The following ZC3H4 variants were observed in gnomAD, a reference collection of about 807,000 sequenced individuals.
ZC3H4 encodes zinc finger CCCH-type containing 4.
ZC3H4 carries 13 observed loss-of-function variants against 108.3 expected under a neutral mutation model. The observed-to-expected ratio is 0.12, with a 90% CI of 0.08 to 0.19. The LOEUF (loss-of-function observed/expected upper bound fraction) is 0.19. Ranked by LOEUF, ZC3H4 falls within the 10% of genes least tolerant of loss-of-function variation. The pLI is 1.00. For synonymous variants in ZC3H4, 917 were observed against 749.6 expected, an observed-to-expected ratio of 1.22 and a Z score of -3.65; for missense variants, 1,734 against 1,838.8, an observed-to-expected ratio of 0.94 and a Z score of 1.04.
intron 10 of ZC3H4, 46 bp downstream of exon 10, chr19:47,082,135 GAGA>G: frequency 6.8e-7 from 1 of 1,462,212 alleles, no homozygotes; most frequent in South Asian, 1.1e-5. Context: ...TCAAGGAGCA[GAGA>G]AGTTCTGCGC....
At chr19:47,073,851 C>T (rs1473900502) in intron 11 of ZC3H4, among the ~76,000 whole-genome samples, 1 of 152,260 alleles carries the variant, frequency 6.6e-6, no homozygotes, top group Non-Finnish European at 1.5e-5. Context: ...CTATCTACAA[C>T]ACTGCTACAT....
At position 47,066,923 on chromosome 19, in the gene ZC3H4, T is replaced by G. The variant is rs747020776; in HGVS notation, c.3345A>C (p.Pro1115=). 7 of 1,595,604 alleles carry G rather than the reference T, an allele frequency of 4.4e-6. No homozygotes were observed. Among genetic ancestry groups the G allele is most frequent in the Middle Eastern group, 1.7e-4 (1 of 6,042 alleles). The part of the protein sequence containing the change: ...PTASPSGDAS[P]PATAPYDPRV... ...GGGGGTCGTAGGGAGCGGTGGCTGGTGGGGAGGCATCCCCACTCGGGCTGG... is the reference window on the plus strand; with the variant it reads ...GGGGGTCGTAGGGAGCGGTGGCTGGGGGGGAGGCATCCCCACTCGGGCTGG... Residue 1115 remains proline, a synonymous_variant, in exon 15 of 15, where the codon CCA becomes CCC. Transcript: ENST00000253048.
In ZC3H4 at chr19:47,067,087, C is replaced by T. The variant is rs762690153; in HGVS notation, c.3181G>A (p.Ala1061Thr). Residue 1061 changes from alanine to threonine, a missense_variant, in exon 15 of 15, where the codon GCC becomes ACC. Coordinates refer to ENST00000253048, the MANE Select transcript of ZC3H4 (RefSeq NM_015168.2). This position sits in a 1 kb window ranked among gnomAD's most constrained non-coding sequence, Gnocchi z 6.4. Reference protein sequence around the residue: ...KTVNATGSSAAPGSSDKPSDP... With the variant: ...KTVNATGSSATPGSSDKPSDP... ...CTGGGTTTGTCGCTGGAACCGGGGGCGGCCGAGGAGCCGGTGGCATTGACT... is the reference window on the plus strand; with the variant it reads ...CTGGGTTTGTCGCTGGAACCGGGGGTGGCCGAGGAGCCGGTGGCATTGACT... 62 of 1,609,144 alleles carry T rather than the reference C, an allele frequency of 3.9e-5. No homozygotes were observed. The highest frequency in any genetic ancestry group is 2.0e-4 in the Admixed American group (12 of 59,310).
At position 47,105,318 on chromosome 19, in the gene ZC3H4, T is replaced by C. The variant is rs190009858; in HGVS notation, c.161+7106A>G. Among the ~76,000 whole-genome samples, 31 of 152,284 alleles carry C rather than the reference T, an allele frequency of 2.0e-4. No homozygotes were observed. In the East Asian group the frequency reaches 5.4e-3, roughly 27 times the overall value. On this transcript the variant is annotated intron_variant, in intron 2 of 14. Transcript: ENST00000253048. ...CTGTGTGCCAATAAACTTTACCTAC[T>C]GGCCAGGCGCGGTGGCTCATACCTG...
At position 47,066,567 on chromosome 19, in the gene ZC3H4, G is replaced by A. The variant is rs758599668; in HGVS notation, c.3701C>T (p.Ala1234Val). ...TGGGGCACCCTCGGGGGGTGGGGTG[G>A]CGGTGGTGGCAGCGGGGGCTGCAGC... Reference protein sequence around the residue: ...KAAAAPAATTATPPPEGAPPQ... With the variant: ...KAAAAPAATTVTPPPEGAPPQ... Residue 1234 changes from alanine (A) to valine (V), a missense_variant, in exon 15 of 15, where the codon GCC becomes GTC. By Grantham distance (64) the Ala-to-Val change is moderately conservative (BLOSUM62 0). Around this residue, in one of 9 missense-constraint regions of ZC3H4, gnomAD observed 518 missense variants for 499.6 expected, o/e 1.04. Transcript: ENST00000253048. 28 of 1,582,128 alleles carry A rather than the reference G, an allele frequency of 1.8e-5. No homozygotes were observed. Among genetic ancestry groups the A allele is most frequent in the South Asian group, 7.0e-5 (6 of 85,730 alleles).
chr19:47,073,132 G>T (rs2122735826), intron 11 of ZC3H4, among the ~76,000 whole-genome samples: 1 of 152,036 alleles, frequency 6.6e-6, no homozygotes, highest in South Asian at 2.1e-4. Context: ...AATTAGCCAG[G>T]CATGGTAGTG....
chr19:47,110,002 A>G (rs1202798228), intron 2 of ZC3H4, among the ~76,000 whole-genome samples: 4 of 152,136 alleles, frequency 2.6e-5, no homozygotes. Flanking sequence ...CTGGGCGTGT[A>G]ACACGTTTGC....
intron 14 of ZC3H4, 148 bp from the exon 15 acceptor site, chr19:47,068,017 T>C (rs2057250553): frequency 2.5e-6 from 2 of 799,326 alleles, no homozygotes; most frequent in African/African-American, 1.7e-5. Flanking sequence ...CTCCCCACAG[T>C]GGGCGGCTGA....
At chr19:47,069,014 C>A in intron 14 of ZC3H4, 78 bp downstream of exon 14, 1 of 1,588,500 alleles carries the variant, frequency 6.3e-7, no homozygotes, top group Non-Finnish European at 8.5e-7. Flanking sequence ...GGAAACCCAA[C>A]CTGGAACACC....
chr19:47,109,336 T>G (rs1465447720), intron 2 of ZC3H4, among the ~76,000 whole-genome samples: 1 of 152,252 alleles, frequency 6.6e-6, no homozygotes, highest in Non-Finnish European at 1.5e-5. Flanking sequence ...TCAAATTCAC[T>G]GAACATTGCT....
intron 4 of ZC3H4, among the ~76,000 whole-genome samples, chr19:47,090,572 A>G (rs1316489447): frequency 6.6e-6 from 1 of 152,172 alleles, no homozygotes; most frequent in Non-Finnish European, 1.5e-5. Context: ...AATTCAATAA[A>G]TGGCCTGCTT....
intron 2 of ZC3H4, among the ~76,000 whole-genome samples, chr19:47,106,941 G>A (rs2057975369): frequency 6.6e-6 from 1 of 152,180 alleles, no homozygotes. Context: ...AAACTGACTA[G>A]TTTGCAGTGG....
chr19:47,088,684 T>TC (rs1350249487), intron 5 of ZC3H4, among the ~76,000 whole-genome samples: 35 of 151,992 alleles, frequency 2.3e-4, no homozygotes, highest in African/African-American at 8.2e-4. Context: ...AGTGATGGGA[T>TC]CTCGCTGTGT....
At position 47,066,768 on chromosome 19, in the gene ZC3H4, G is replaced by T; in HGVS notation, c.3500C>A (p.Thr1167Lys). Residue 1167 changes from threonine to lysine, a missense_variant, in exon 15 of 15, where the codon ACG (threonine) becomes AAG (lysine). Physicochemically the swap from Thr to Lys is moderately conservative, Grantham distance 78 (BLOSUM62 -1). Coordinates refer to ENST00000253048, the MANE Select transcript of ZC3H4 (RefSeq NM_015168.2). ...GGKATEPAAD[T>K]GAQPKGAEGN... ...CTCAGCACCCTTGGGCTGGGCACCC[G>T]TGTCAGCAGCCGGCTCTGTGGCTTT... The T allele has an allele frequency of 6.2e-7, 1 of 1,602,948 alleles. No homozygotes were observed. The highest frequency in any genetic ancestry group is 8.5e-7 in the Non-Finnish European group (1 of 1,178,178).
In ZC3H4 at chr19:47,067,393, A is replaced by G; in HGVS notation, c.2875T>C (p.Phe959Leu). Residue 959 changes from phenylalanine (F) to leucine (L), a missense_variant, in exon 15 of 15, where the codon TTC becomes CTC. Phe to Leu is a conservative substitution (Grantham distance 22, BLOSUM62 0). This residue lies in a region of ZC3H4 where 4 missense variants were observed against 18.2 expected (regional missense o/e 0.22). Transcript: ENST00000253048. The surrounding 1 kb of genome is among the most constrained non-coding windows in gnomAD (Gnocchi z 6.4). ...LRDPRSQLQQ[F>L]SHIKKDVTLS... The stretch of plus-strand genomic sequence containing the variant: ...GTCACGTCCTTCTTGATGTGGCTGA[A>G]CTGCTGCAGCTGTGACCGTGGGTCC... 6.2e-7 allele frequency: 1 copy of G among 1,609,400 alleles called. No individual in the cohort carries two copies. The highest frequency in any genetic ancestry group is 8.5e-7 in the Non-Finnish European group (1 of 1,177,378).
intron 2 of ZC3H4, among the ~76,000 whole-genome samples, chr19:47,101,730 G>T (rs963265242): frequency 6.6e-6 from 1 of 152,010 alleles, no homozygotes; most frequent in African/African-American, 2.4e-5. Flanking sequence ...AATTAGCTGG[G>T]CGTGGTGGCG....
chr19:47,112,335 G>C (rs1201567460), intron 2 of ZC3H4, 89 bp downstream of exon 2: 1 of 1,178,334 alleles, frequency 8.5e-7, no homozygotes, highest in Non-Finnish European at 1.1e-6. Context: ...CCTCCTCCGC[G>C]GCCCGGCCCA....
chr19:47,070,259 G>C (rs1432853544), intron 13 of ZC3H4, among the ~76,000 whole-genome samples: 1 of 152,182 alleles, frequency 6.6e-6, no homozygotes, highest in Admixed American at 6.5e-5. Context: ...TTAAAACGTG[G>C]TGTCTAGAAA....
chr19:47,096,455 C>A (rs1392809148), intron 2 of ZC3H4, among the ~76,000 whole-genome samples: 2 of 152,338 alleles, frequency 1.3e-5, no homozygotes, highest in Admixed American at 1.3e-4. Context: ...CCGAAAAGGG[C>A]CACATGACTG....
Sources: allele counts gnomAD v4.1 joint callset (sites outside exome capture counted in the v4.1 genomes callset), GRCh38; gene constraint gnomAD v4.1.1; regional missense constraint gnomAD v4.1.1; non-coding constraint Gnocchi (gnomAD v3.1); transcripts MANE v1.5; gene names NCBI Gene and HGNC (gene_info 2026-07-23, HGNC 2026-07-21).